The following ARHGEF11 variants were observed in gnomAD, a reference collection of about 807,000 sequenced individuals.
ARHGEF11 encodes Rho guanine exchange factor (GEF) 11.
ARHGEF11 carries 55 observed loss-of-function variants against 193.7 expected under a neutral mutation model. That is an observed-to-expected ratio of 0.28 (90% confidence interval 0.23 to 0.36). ARHGEF11 has a LOEUF of 0.36. Among genes scored for constraint, ARHGEF11 ranks in the 10% least tolerant of loss-of-function variants. The pLI, the probability that ARHGEF11 is intolerant of heterozygous loss-of-function variation, is 1.00. For missense variants in ARHGEF11, 1,723 were observed against 2,005.6 expected (o/e 0.86, Z 2.69); for synonymous variants, 693 against 768.0 (o/e 0.90, Z 1.62).
At chr1:156,979,622 C>T (rs1364797994) in intron 4 of ARHGEF11, among the ~76,000 whole-genome samples, 1 of 152,162 alleles carries the variant, frequency 6.6e-6, no homozygotes. Flanking sequence ...TCTTGGCCTC[C>T]CAAAGGGCTG....
chr1:157,027,552 C>T (rs1670801426), intron 1 of ARHGEF11, among the ~76,000 whole-genome samples: 2 of 152,100 alleles, frequency 1.3e-5, no homozygotes, highest in Non-Finnish European at 2.9e-5. Context: ...TAAGGTAAGA[C>T]CTCACTAGTA....
At chr1:156,990,484 A>G (rs977758679) in intron 1 of ARHGEF11, among the ~76,000 whole-genome samples, 2 of 152,226 alleles carry the variant, frequency 1.3e-5, no homozygotes, top group African/African-American at 4.8e-5. Flanking sequence ...CTCTCATCCA[A>G]TAGTTTTACT....
intron 1 of ARHGEF11, among the ~76,000 whole-genome samples, chr1:156,996,044 T>C (rs1024344602): frequency 6.6e-6 from 1 of 152,110 alleles, no homozygotes; most frequent in Non-Finnish European, 1.5e-5. Context: ...GAGAGAAACA[T>C]TTTTGAGTGA....
At chr1:157,011,539 GA>G (rs758782835) in intron 1 of ARHGEF11, among the ~76,000 whole-genome samples, 1 of 152,126 alleles carries the variant, frequency 6.6e-6, no homozygotes, top group Non-Finnish European at 1.5e-5. Flanking sequence ...TCAAGAAAGT[GA>G]AAAGACAGCC....
chr1:157,028,452 C>T (rs1670915247), intron 1 of ARHGEF11, among the ~76,000 whole-genome samples: 2 of 152,048 alleles, frequency 1.3e-5, no homozygotes, highest in Admixed American at 1.3e-4. Context: ...AACAGGAAAC[C>T]TAGGTTGATT....
intron 1 of ARHGEF11, among the ~76,000 whole-genome samples, chr1:156,993,664 G>A (rs1187180132): frequency 6.6e-6 from 1 of 152,128 alleles, no homozygotes; most frequent in Non-Finnish European, 1.5e-5. Flanking sequence ...ATCTCCCAGG[G>A]TGGAGTTTTC....
At chr1:157,007,114 C>A (rs1288283636) in intron 1 of ARHGEF11, among the ~76,000 whole-genome samples, 1 of 151,548 alleles carries the variant, frequency 6.6e-6, no homozygotes, top group Non-Finnish European at 1.5e-5. Context: ...TTTCAGGGTA[C>A]AAGGGAATGA....
At chr1:157,007,918 T>G (rs867714257) in intron 1 of ARHGEF11, among the ~76,000 whole-genome samples, 89 of 136,858 alleles carry the variant, frequency 6.5e-4, no homozygotes, top group African/African-American at 8.4e-4. Flanking sequence ...TTTTTGTTTT[T>G]TTTTTTTTTG....
intron 7 of ARHGEF11, among the ~76,000 whole-genome samples, chr1:156,973,312 A>C (rs1018399266): frequency 2.0e-5 from 3 of 152,172 alleles, no homozygotes; most frequent in East Asian, 1.9e-4. Context: ...TATACAATCT[A>C]GTTTCCTCCC....
intron 12 of ARHGEF11, 105 bp from the exon 13 acceptor site, chr1:156,963,409 CT>C: frequency 6.7e-7 from 1 of 1,486,628 alleles, no homozygotes; most frequent in South Asian, 1.1e-5. Context: ...TAACAGGAGG[CT>C]CCCCGCCTCA....
chr1:156,969,899 A>G (rs1040479561), intron 9 of ARHGEF11, 99 bp downstream of exon 9: 15 of 1,173,178 alleles, frequency 1.3e-5, no homozygotes, highest in South Asian at 3.8e-5. Context: ...CAGGCACTAT[A>G]TATTTTCTTT....
intron 10 of ARHGEF11, 129 bp downstream of exon 10, chr1:156,969,153 A>G (rs1249578967): frequency 1.4e-6 from 1 of 725,286 alleles, no homozygotes; most frequent in Non-Finnish European, 2.3e-6. Flanking sequence ...CAGTGATTAT[A>G]TCCTTGGAAC....
chr1:156,987,914 A>G (rs570000688), intron 1 of ARHGEF11, among the ~76,000 whole-genome samples: 50 of 152,342 alleles, frequency 3.3e-4, no homozygotes, highest in African/African-American at 1.2e-3. Context: ...AGAGTGACCC[A>G]GGGGAGGCAC....
In ARHGEF11 at chr1:156,999,045, G is replaced by A. The variant is rs544795739; in HGVS notation, c.33-12872C>T. ...AATCATGGAGGCTGCCCCAGCAGGA[G>A]GGAGGGGGCGGGCCCTTCTGACAAG... On this transcript the variant is annotated intron_variant, in intron 1 of 40. Transcript: ENST00000368194. Among the ~76,000 whole-genome samples the A allele has an allele frequency of 9.2e-5, 14 of 152,310 alleles. 1 individual carries two copies. The South Asian group carries it at 2.9e-3, about 32-fold the overall frequency.
Position 157,044,623 on chromosome 1 carries a change from A to G in ARHGEF11, c.-293T>C, listed in dbSNP as rs1673148622. ...AAAAACTACGACCTTCTCAGAAACC[A>G]AAAACCCAGCCACGAATCTCTTCAA... On this transcript the variant is annotated 5_prime_UTR_variant, in exon 1 of 41. Coordinates refer to ENST00000368194, the MANE Select transcript of ARHGEF11 (RefSeq NM_198236.3). The G allele has an allele frequency of 2.0e-6, 1 of 489,518 alleles. No individual in the cohort carries two copies. The highest frequency in any genetic ancestry group is 1.9e-5 in the African/African-American group (1 of 51,928). The allele number at this position is 489,518 out of a possible 1,614,324, so 30.3% of individuals were successfully genotyped here.
Position 156,938,436 on chromosome 1 carries a change from C to T in ARHGEF11, c.4174G>A (p.Gly1392Ser). The T allele has an allele frequency of 6.2e-7, 1 of 1,613,816 alleles. No homozygotes were observed. Among genetic ancestry groups the T allele is most frequent in the South Asian group, 1.1e-5 (1 of 91,004 alleles). The change falls in exon 38 of 41, where the codon GGC (glycine) becomes AGC (serine). Residue 1392 changes from glycine (G) to serine (S), a missense_variant. This residue lies in a region of ARHGEF11 where 360 missense variants were observed against 344.4 expected (regional missense o/e 1.05). Coordinates refer to ENST00000368194, the MANE Select transcript of ARHGEF11 (RefSeq NM_198236.3). ...TTATTACCCGTAGCCTTTGTTCCGC[C>T]TTCCACTTCAGGTGGCCCAGGCTCT... ...QSEPGPPEVE[G>S]GTKATGNCFY...
At chr1:156,959,243 C>T in intron 15 of ARHGEF11, 101 bp from the exon 16 acceptor site, 2 of 960,008 alleles carry the variant, frequency 2.1e-6, no homozygotes, top group Non-Finnish European at 3.2e-6. Flanking sequence ...CCCTATGACA[C>T]TGGGAGGAAG....
chr1:156,970,174 G>T, intron 8 of ARHGEF11, 131 bp from the exon 9 acceptor site: 1 of 712,942 alleles, frequency 1.4e-6, no homozygotes, highest in Non-Finnish European at 2.4e-6. Flanking sequence ...AAAATGCCCA[G>T]CTAGAAGAGA....
At chr1:156,953,742 G>C (rs1396951429) in intron 21 of ARHGEF11, among the ~76,000 whole-genome samples, 2 of 152,082 alleles carry the variant, frequency 1.3e-5, no homozygotes, top group East Asian at 3.9e-4. Context: ...GCACGCATAT[G>C]GACCTTATTA....
Sources: gnomAD v4.1 joint callset for allele counts (sites outside exome capture counted in the v4.1 genomes callset) on GRCh38, gnomAD v4.1.1 for gene constraint, gnomAD v4.1.1 regional missense constraint, MANE v1.5 for transcripts, NCBI Gene and HGNC (gene_info 2026-07-23, HGNC 2026-07-21) for gene names.